The following HIVEP3 variants were observed in gnomAD, a reference collection of about 807,000 sequenced individuals.
The protein encoded by HIVEP3 is transcription factor HIVEP3.
HIVEP3 carries 49 observed loss-of-function variants against 152.8 expected under a neutral mutation model. The observed-to-expected ratio is 0.32, with a 90% CI of 0.26 to 0.41. The LOEUF (loss-of-function observed/expected upper bound fraction) is 0.41, where lower values mean the gene tolerates loss of function less well. Among genes scored for constraint, HIVEP3 ranks in the 10% least tolerant of loss-of-function variants. HIVEP3 has a pLI of 1.00. For synonymous variants in HIVEP3, 1,269 were observed against 1,289.0 expected (o/e 0.98, Z 0.33); for missense variants, 2,790 against 3,103.3 (o/e 0.90, Z 2.40).
chr1:41,614,678 AG>A (rs1644942460), intron 3 of HIVEP3, among the ~76,000 whole-genome samples: 1 of 152,226 alleles, frequency 6.6e-6, no homozygotes, highest in South Asian at 2.1e-4. Context: ...AAATCAACCC[AG>A]GGGAAATGAA....
In HIVEP3 at chr1:41,511,280, A is replaced by G; in HGVS notation, c.6406-14T>C. 1 of 1,579,034 alleles carries G rather than the reference A, an allele frequency of 6.3e-7. No homozygotes were observed. Among genetic ancestry groups the G allele is most frequent in the South Asian group, 1.2e-5 (1 of 85,486 alleles). ...CTCGGCCTTCTGCTGGGGTCAGAAA[A>G]CAAGACAAGGTAAGGTGAAGGTTAC... is the stretch of plus-strand genomic sequence containing the variant. On this transcript the variant is annotated splice_polypyrimidine_tract_variant and intron_variant, in intron 8 of 8. Transcript: ENST00000372583. This position sits in a 1 kb window ranked among gnomAD's most constrained non-coding sequence, Gnocchi z 4.9.
At chr1:41,622,393 G>A (rs191699692) in intron 3 of HIVEP3, among the ~76,000 whole-genome samples, 233 of 152,306 alleles carry the variant, frequency 1.5e-3, no homozygotes, top group African/African-American at 5.4e-3. Context: ...GAGCAGGGGT[G>A]GGGGAGGAAG....
chr1:41,725,781 A>G (rs963498626), intron 1 of HIVEP3, among the ~76,000 whole-genome samples: 1 of 152,240 alleles, frequency 6.6e-6, no homozygotes, highest in Non-Finnish European at 1.5e-5. Flanking sequence ...AGATGAGGAC[A>G]TAGTGGCTCA....
chr1:41,585,741 G>C (rs555238141), intron 3 of HIVEP3, among the ~76,000 whole-genome samples: 19 of 152,120 alleles, frequency 1.2e-4, no homozygotes, highest in Admixed American at 2.0e-4. Context: ...ATCCTGCCTC[G>C]ACTGTGCCTC....
intron 2 of HIVEP3, among the ~76,000 whole-genome samples, chr1:41,673,938 G>A (rs1394963568): frequency 3.3e-5 from 5 of 152,204 alleles, no homozygotes; most frequent in African/African-American, 1.2e-4. Flanking sequence ...CCGTGCAGAA[G>A]GTGGGGTTGT....
At chr1:41,865,654 T>C (rs959389256) in intron 1 of HIVEP3, 3 of 152,198 alleles carry the variant, frequency 2.0e-5, no homozygotes, top group Non-Finnish European at 4.4e-5. Flanking sequence ...AAGTAAGAAA[T>C]GACCAGGGAA....
chr1:41,998,093 T>C (rs1293926006), intron 1 of HIVEP3, among the ~76,000 whole-genome samples: 3 of 151,934 alleles, frequency 2.0e-5, no homozygotes, highest in African/African-American at 7.3e-5. Flanking sequence ...TGGCTTAACA[T>C]CAAGAAACAA....
chr1:41,845,204 A>AT (rs59680074), intron 1 of HIVEP3, among the ~76,000 whole-genome samples: 71,321 of 151,892 alleles, frequency 0.47, 19,184 homozygotes, highest in African/African-American at 0.75. Flanking sequence ...AAGAGACTAC[A>AT]ATATGTTTAT....
intron 1 of HIVEP3, among the ~76,000 whole-genome samples, chr1:41,763,430 A>G (rs992527600): frequency 6.6e-6 from 1 of 152,188 alleles, no homozygotes; most frequent in Non-Finnish European, 1.5e-5. Flanking sequence ...GTCCTCTCTG[A>G]GACCTGCCTG....
Position 41,665,244 on chromosome 1 carries a change from C to T in HIVEP3, c.-721+35672G>A, listed in dbSNP as rs183388470. 3.1e-3 allele frequency among the ~76,000 whole-genome samples: 469 copies of T among 152,282 alleles called. 17 individuals are homozygous for T. The highest frequency in any genetic ancestry group is 0.029 in the Admixed American group (438 of 15,296). On this transcript the variant is annotated intron_variant, in intron 2 of 8. Coordinates refer to ENST00000372583, the MANE Select transcript of HIVEP3 (RefSeq NM_024503.5). The stretch of plus-strand genomic sequence containing the variant: ...CTGACCTCGACTCTACTCTGTGAGC[C>T]CCCACCTGCAGACCAGGCCTCCACC...
chr1:41,829,554 G>A (rs1349767165), intron 1 of HIVEP3, among the ~76,000 whole-genome samples: 1 of 151,698 alleles, frequency 6.6e-6, no homozygotes, highest in Admixed American at 6.6e-5. Flanking sequence ...GGGGCGGGGG[G>A]AATGTAACCC....
At chr1:41,767,114 T>C (rs958042392) in intron 1 of HIVEP3, among the ~76,000 whole-genome samples, 1 of 152,184 alleles carries the variant, frequency 6.6e-6, no homozygotes, top group Non-Finnish European at 1.5e-5. Context: ...GTCCTGAACC[T>C]CTCATCTTCT....
At chr1:41,872,942 G>A (rs930609302) in intron 1 of HIVEP3, among the ~76,000 whole-genome samples, 12 of 152,200 alleles carry the variant, frequency 7.9e-5, no homozygotes, top group African/African-American at 2.9e-4. Flanking sequence ...CATATGCTGT[G>A]CATGTTTAAC....
rs114632462 is a variant in HIVEP3, at chr1:41,879,413, A to G, written c.-801+39000T>C. The stretch of plus-strand genomic sequence containing the variant: ...AGTGGATTACAACACTCAGATCCCA[A>G]CTTTCCACTGCACAGGATACCTTGC... On this transcript the variant is annotated intron_variant, in intron 1 of 8. Coordinates refer to ENST00000372583, the MANE Select transcript of HIVEP3 (RefSeq NM_024503.5). 1.2e-3 allele frequency among the ~76,000 whole-genome samples: 186 copies of G among 152,280 alleles called. 1 individual carries two copies. The highest frequency in any genetic ancestry group is 4.2e-3 in the African/African-American group (173 of 41,554).
At chr1:41,943,594 T>G (rs1289338880) in intron 1 of HIVEP3, among the ~76,000 whole-genome samples, 3 of 152,200 alleles carry the variant, frequency 2.0e-5, no homozygotes, top group Non-Finnish European at 4.4e-5. Flanking sequence ...ACTATTAACA[T>G]TATCTGTGTG....
At chr1:41,605,373 G>GCACACA (rs1482926182) in intron 3 of HIVEP3, among the ~76,000 whole-genome samples, 12 of 106,752 alleles carry the variant, frequency 1.1e-4, no homozygotes, top group African/African-American at 4.7e-4. Flanking sequence ...ACACGCACAC[G>GCACACA]CGCACACACA....
At chr1:41,929,967 TGTAGA>T (rs1389743968) in intron 1 of HIVEP3, among the ~76,000 whole-genome samples, 2 of 152,080 alleles carry the variant, frequency 1.3e-5, no homozygotes, top group Admixed American at 1.3e-4. Flanking sequence ...AAATTTATCA[TGTAGA>T]GTACAGTGTC....
At chr1:41,519,093 G>A (rs567989767) in intron 6 of HIVEP3, among the ~76,000 whole-genome samples, 30 of 152,322 alleles carry the variant, frequency 2.0e-4, no homozygotes, top group African/African-American at 7.2e-4. Context: ...CTACTAGCCA[G>A]GGACTCAGGA....
intron 1 of HIVEP3, among the ~76,000 whole-genome samples, chr1:41,804,659 C>G (rs1434112119): frequency 6.6e-6 from 1 of 152,220 alleles, no homozygotes. Flanking sequence ...TCAAAGTCAT[C>G]TGCATCACTG....
Sources: allele counts gnomAD v4.1 joint callset (sites outside exome capture counted in the v4.1 genomes callset), GRCh38; gene constraint gnomAD v4.1.1; non-coding constraint Gnocchi (gnomAD v3.1); transcripts MANE v1.5; gene names NCBI Gene and HGNC (gene_info 2026-07-23, HGNC 2026-07-21).